Variants in CSMD1 observed in about 807,000 individuals in gnomAD.
The protein encoded by CSMD1 is CUB and Sushi multiple domains 1.
In CSMD1, 213 loss-of-function variants were observed where a neutral mutation model predicts 417.5. The ratio of observed to expected loss-of-function variants is 0.51; its 90% CI spans 0.46 to 0.57. CSMD1 has a LOEUF of 0.57. CSMD1 is among the 20% of genes least tolerant of loss of function. CSMD1 has a pLI of 0.00. For synonymous variants in CSMD1, 2,862 were observed against 1,736.8 expected, an observed-to-expected ratio of 1.65 and a Z score of -16.11; for missense variants, 6,923 against 4,529.7, an observed-to-expected ratio of 1.53 and a Z score of -15.17.
intron 26 of CSMD1, among the ~76,000 whole-genome samples, chr8:3,279,959 C>G (rs368798499): frequency 6.6e-6 from 1 of 152,148 alleles, no homozygotes; most frequent in Non-Finnish European, 1.5e-5. Context: ...GGACGTAGAA[C>G]CTAACCGTAT....
At chr8:3,529,242 C>A (rs1330308868) in intron 10 of CSMD1, among the ~76,000 whole-genome samples, 2 of 152,174 alleles carry the variant, frequency 1.3e-5, no homozygotes, top group Non-Finnish European at 2.9e-5. Flanking sequence ...ATGCCAGTAG[C>A]TCATATTTCA....
chr8:3,914,506 A>C (rs1808680554), intron 5 of CSMD1, among the ~76,000 whole-genome samples: 1 of 152,220 alleles, frequency 6.6e-6, no homozygotes, highest in Non-Finnish European at 1.5e-5. Context: ...CAATCTGTGT[A>C]AAGTTTAATT....
rs145223915 is a variant in CSMD1, at chr8:4,872,473, T to C, written c.85+121859A>G. Among the ~76,000 whole-genome samples, 168 of 152,172 alleles carry C rather than the reference T, an allele frequency of 1.1e-3. 1 individual carries two copies. The highest frequency in any genetic ancestry group is 4.0e-3 in the African/African-American group (166 of 41,460). ...GAGGATTCCTCCCATCACTCAGCAC[T>C]CCTTCCTGCCGCCTTCTGAAGAAGG... On this transcript the variant is annotated intron_variant, in intron 1 of 69. Coordinates refer to ENST00000635120, the MANE Select transcript of CSMD1 (RefSeq NM_033225.6).
intron 2 of CSMD1, among the ~76,000 whole-genome samples, chr8:4,628,371 T>G (rs1802248134): frequency 6.7e-6 from 1 of 149,250 alleles, no homozygotes; most frequent in Admixed American, 6.8e-5. Flanking sequence ...TATGTGTGTG[T>G]GTATATATAC....
At position 2,936,956 on chromosome 8, in the gene CSMD1, G is replaced by A. The variant is rs1424573179; in HGVS notation, c.*1629C>T. On this transcript the variant is annotated 3_prime_UTR_variant, in exon 70 of 70. Coordinates refer to ENST00000635120, the MANE Select transcript of CSMD1 (RefSeq NM_033225.6). ...TCTATTACCAACGCCAATCTAAAATGTGAAACAGAGAAAATCTGCCACAAT... is the reference window on the plus strand; with the variant it reads ...TCTATTACCAACGCCAATCTAAAATATGAAACAGAGAAAATCTGCCACAAT... The A allele has an allele frequency of 6.6e-6, 1 of 152,170 alleles. No homozygotes were observed. The highest frequency in any genetic ancestry group is 2.4e-5 in the African/African-American group (1 of 41,438). The allele number at this position is 152,170 out of a possible 1,614,324, so 9.4% of individuals were successfully genotyped here.
At chr8:4,863,438 A>G (rs1331001414) in intron 1 of CSMD1, among the ~76,000 whole-genome samples, 1 of 152,106 alleles carries the variant, frequency 6.6e-6, no homozygotes, top group Admixed American at 6.6e-5. Flanking sequence ...CAGAGCATGA[A>G]TCCAGATTCT....
intron 2 of CSMD1, among the ~76,000 whole-genome samples, chr8:4,596,669 T>C (rs1181872973): frequency 6.6e-6 from 1 of 152,222 alleles, no homozygotes; most frequent in East Asian, 1.9e-4. Flanking sequence ...ACGTTTGCTG[T>C]TTGAACACTC....
intron 6 of CSMD1, among the ~76,000 whole-genome samples, chr8:3,751,000 T>C (rs1038892636): frequency 3.3e-5 from 5 of 152,170 alleles, no homozygotes; most frequent in Non-Finnish European, 5.9e-5. Context: ...CTCTCTCTGG[T>C]CCTTCTTCTT....
chr8:3,710,495 A>C (rs1029693454), intron 6 of CSMD1, among the ~76,000 whole-genome samples: 1 of 152,122 alleles, frequency 6.6e-6, no homozygotes, highest in Admixed American at 6.5e-5. Flanking sequence ...TACTCTTTTC[A>C]AATCACTGAC....
intron 3 of CSMD1, among the ~76,000 whole-genome samples, chr8:4,221,971 G>T (rs995870475): frequency 6.6e-6 from 1 of 152,108 alleles, no homozygotes; most frequent in Admixed American, 6.5e-5. Flanking sequence ...CATCTGCAAT[G>T]GAGGAAGCTG....
chr8:3,148,056 T>C (rs1182970549), intron 40 of CSMD1, among the ~76,000 whole-genome samples: 1 of 152,168 alleles, frequency 6.6e-6, no homozygotes, highest in Non-Finnish European at 1.5e-5. Flanking sequence ...TCAATCTCCC[T>C]GCTTGTCCCA....
chr8:4,328,729 A>T (rs1036555410), intron 3 of CSMD1, among the ~76,000 whole-genome samples: 1 of 152,152 alleles, frequency 6.6e-6, no homozygotes, highest in Non-Finnish European at 1.5e-5. Context: ...CTATTTCTTT[A>T]CTGTTCTTGT....
chr8:3,863,470 C>T (rs1030064454), intron 5 of CSMD1, among the ~76,000 whole-genome samples: 4 of 151,592 alleles, frequency 2.6e-5, no homozygotes, highest in African/African-American at 9.7e-5. Flanking sequence ...TTCCCAATGA[C>T]CCCATCTCCC....
chr8:4,937,808 C>G (rs186333717), intron 1 of CSMD1, among the ~76,000 whole-genome samples: 161 of 149,570 alleles, frequency 1.1e-3, no homozygotes, highest in African/African-American at 3.8e-3. Context: ...ACACACACAA[C>G]TACAAAGTGT....
chr8:3,572,302 G>A (rs1799978816), intron 10 of CSMD1, among the ~76,000 whole-genome samples: 1 of 152,130 alleles, frequency 6.6e-6, no homozygotes. Context: ...GCAGAAAGCA[G>A]GAGCTTCAGG....
chr8:4,091,711 C>T (rs1047059274), intron 3 of CSMD1, among the ~76,000 whole-genome samples: 6 of 152,170 alleles, frequency 3.9e-5, no homozygotes, highest in African/African-American at 1.2e-4. Context: ...CTGATAAAGG[C>T]ACAAGCCTCG....
intron 5 of CSMD1, among the ~76,000 whole-genome samples, chr8:3,964,837 C>G (rs917794463): frequency 3.9e-5 from 6 of 152,198 alleles, no homozygotes; most frequent in Non-Finnish European, 8.8e-5. Flanking sequence ...CACGGTTATT[C>G]ACTTAGTGGG....
At chr8:3,898,859 G>C (rs1490063324) in intron 5 of CSMD1, among the ~76,000 whole-genome samples, 5 of 152,164 alleles carry the variant, frequency 3.3e-5, no homozygotes, top group African/African-American at 1.2e-4. Flanking sequence ...ATAGCTGATA[G>C]CCCCAATACT....
intron 26 of CSMD1, among the ~76,000 whole-genome samples, chr8:3,256,697 C>A (rs767230206): frequency 1.6e-4 from 24 of 152,218 alleles, no homozygotes; most frequent in Non-Finnish European, 1.9e-4. Context: ...CACCCATATG[C>A]CTGTCAACAC....
Sources: allele counts gnomAD v4.1 joint callset (sites outside exome capture counted in the v4.1 genomes callset), GRCh38; gene constraint gnomAD v4.1.1; transcripts MANE v1.5; gene names NCBI Gene and HGNC (gene_info 2026-07-23, HGNC 2026-07-21).